HDAC9: variants seen among roughly 807,000 people sequenced by gnomAD.
The protein encoded by HDAC9 is MEF-2 interacting transcription repressor (MITR) protein.
HDAC9 carries 41 observed loss-of-function variants against 139.4 expected under a neutral mutation model. The observed-to-expected ratio is 0.29, with a 90% confidence interval of 0.23 to 0.38. The LOEUF (loss-of-function observed/expected upper bound fraction) is 0.38, where lower values mean the gene tolerates loss of function less well. HDAC9 is among the 10% of genes least tolerant of loss of function. The pLI is 1.00. For missense variants in HDAC9, 1,147 were observed against 1,297.0 expected, an observed-to-expected ratio of 0.88 and a Z score of 1.78; for synonymous variants, 517 against 476.2, an observed-to-expected ratio of 1.09 and a Z score of -1.12.
chr7:18,610,408 C>T (rs570922448), intron 6 of HDAC9, among the ~76,000 whole-genome samples: 1 of 152,104 alleles, frequency 6.6e-6, no homozygotes. Flanking sequence ...TTGACAATAA[C>T]CCAGAGCAAG....
intron 1 of HDAC9, among the ~76,000 whole-genome samples, chr7:18,451,407 A>ATATGTGTG: frequency 8.6e-6 from 1 of 116,574 alleles, no homozygotes; most frequent in African/African-American, 3.0e-5. Context: ...GTGTGTATAT[A>ATATGTGTG]TGTGTGTGTG....
At chr7:18,637,680 A>G (rs1007895074) in intron 8 of HDAC9, among the ~76,000 whole-genome samples, 14 of 152,092 alleles carry the variant, frequency 9.2e-5, no homozygotes, top group Admixed American at 3.9e-4. Context: ...TGCCTGAACT[A>G]TGATCCAAAA....
intron 1 of HDAC9, among the ~76,000 whole-genome samples, chr7:18,156,361 A>G (rs1787202348): frequency 6.6e-6 from 1 of 152,212 alleles, no homozygotes; most frequent in Non-Finnish European, 1.5e-5. Context: ...CAACCCATGA[A>G]GGCACCCATC....
intron 6 of HDAC9, among the ~76,000 whole-genome samples, chr7:18,625,997 AGGATCCT>A (rs1841606514): frequency 6.7e-6 from 1 of 149,424 alleles, no homozygotes; most frequent in South Asian, 2.1e-4. Flanking sequence ...TATATTAATC[AGGATCCT>A]GGCAGGGAAC....
At chr7:18,775,626 A>C (rs924968823) in intron 16 of HDAC9, among the ~76,000 whole-genome samples, 1 of 151,920 alleles carries the variant, frequency 6.6e-6, no homozygotes, top group Admixed American at 6.6e-5. Context: ...ACTGTCCAAT[A>C]CCATCCTATG....
chr7:18,378,647 G>A (rs898284142), intron 1 of HDAC9, among the ~76,000 whole-genome samples: 3 of 151,986 alleles, frequency 2.0e-5, no homozygotes, highest in Admixed American at 6.5e-5. Context: ...ATGCCTAACT[G>A]TAGATATATA....
At chr7:18,778,463 C>G (rs186543678) in intron 16 of HDAC9, among the ~76,000 whole-genome samples, 2 of 152,114 alleles carry the variant, frequency 1.3e-5, no homozygotes, top group Non-Finnish European at 2.9e-5. Flanking sequence ...GAATGAGGCT[C>G]TAATGTGCAC....
At chr7:18,717,672 C>A (rs182247308) in intron 12 of HDAC9, among the ~76,000 whole-genome samples, 84 of 152,122 alleles carry the variant, frequency 5.5e-4, no homozygotes, top group Non-Finnish European at 9.3e-4. Context: ...TTCAGGTGAT[C>A]CACCCGCCTC....
intron 24 of HDAC9, among the ~76,000 whole-genome samples, chr7:18,975,037 A>T (rs1024790005): frequency 3.3e-5 from 5 of 152,152 alleles, no homozygotes; most frequent in African/African-American, 1.2e-4. Context: ...ATTTGGGGCT[A>T]CTCATCATTT....
intron 17 of HDAC9, among the ~76,000 whole-genome samples, chr7:18,809,605 C>T (rs1794013961): frequency 6.6e-6 from 1 of 151,762 alleles, no homozygotes; most frequent in Non-Finnish European, 1.5e-5. Flanking sequence ...ATATATCTGG[C>T]CAACAGATAC....
chr7:18,228,337 C>T (rs1309675947), intron 2 of HDAC9, among the ~76,000 whole-genome samples: 5 of 149,660 alleles, frequency 3.3e-5, no homozygotes, highest in South Asian at 2.1e-4. Context: ...CTGAAAATGA[C>T]GTATAAAACT....
chr7:18,124,043 A>G (rs1784512548), intron 1 of HDAC9, among the ~76,000 whole-genome samples: 1 of 152,116 alleles, frequency 6.6e-6, no homozygotes, highest in Non-Finnish European at 1.5e-5. Flanking sequence ...TTTGCATACC[A>G]TTGGCCAGAA....
intron 17 of HDAC9, among the ~76,000 whole-genome samples, chr7:18,802,277 T>C (rs938702037): frequency 2.0e-5 from 3 of 152,068 alleles, no homozygotes; most frequent in Middle Eastern, 3.4e-3. Flanking sequence ...GCCATTAGTG[T>C]ATTAAATGTG....
Position 18,666,373 on chromosome 7 carries a change from G to C in HDAC9, c.1628G>C (p.Gly543Ala), listed in dbSNP as rs1794890981. 6.2e-7 allele frequency: 1 copy of C among 1,613,164 alleles called. No homozygotes were observed. Among genetic ancestry groups the C allele is most frequent in the Non-Finnish European group, 8.5e-7 (1 of 1,179,602 alleles). Reference sequence around the variant, plus strand: ...AGTGCTTGTGTGGATGACACACTGGGACAAGTTGGGGCTGTGAAGGTCAAG... The same window carrying C: ...AGTGCTTGTGTGGATGACACACTGGCACAAGTTGGGGCTGTGAAGGTCAAG... Reference protein sequence around the residue: ...DSSACVDDTLGQVGAVKVKEE... With the variant: ...DSSACVDDTLAQVGAVKVKEE... The change falls in exon 12 of 26, where the codon GGA (glycine) becomes GCA (alanine). Residue 543 changes from glycine (G) to alanine (A), a missense_variant. By Grantham distance (60) the Gly-to-Ala change is moderately conservative (BLOSUM62 0). Transcript: ENST00000686413.
At chr7:18,104,765 G>C (rs1405430169) in intron 1 of HDAC9, among the ~76,000 whole-genome samples, 2 of 151,870 alleles carry the variant, frequency 1.3e-5, no homozygotes, top group Non-Finnish European at 2.9e-5. Context: ...CTGATTCTTG[G>C]CTCACTTTTC....
At chr7:18,225,074 A>G (rs1792965065) in intron 2 of HDAC9, among the ~76,000 whole-genome samples, 1 of 152,164 alleles carries the variant, frequency 6.6e-6, no homozygotes, top group African/African-American at 2.4e-5. Context: ...TAGCTAAATA[A>G]AGAACTTGTT....
chr7:18,257,252 A>T (rs1795317552), intron 2 of HDAC9, among the ~76,000 whole-genome samples: 1 of 148,926 alleles, frequency 6.7e-6, no homozygotes, highest in Admixed American at 6.8e-5. Flanking sequence ...AAGTGGGTGG[A>T]TTGCTTGAGC....
intron 1 of HDAC9, among the ~76,000 whole-genome samples, chr7:18,357,405 A>G (rs1293664372): frequency 6.6e-6 from 1 of 151,906 alleles, no homozygotes; most frequent in African/African-American, 2.4e-5. Context: ...TTTTTTCCTC[A>G]GTAAACTTTG....
At chr7:18,290,735 A>C (rs77970668) in intron 1 of HDAC9, among the ~76,000 whole-genome samples, 5,049 of 152,288 alleles carry the variant, frequency 0.033, 269 homozygotes, top group African/African-American at 0.12. Flanking sequence ...GAATGCCTTT[A>C]TTATTTCAGA....
Sources: allele counts gnomAD v4.1 joint callset (sites outside exome capture counted in the v4.1 genomes callset), GRCh38; gene constraint gnomAD v4.1.1; transcripts MANE v1.5; gene names NCBI Gene and HGNC (gene_info 2026-07-23, HGNC 2026-07-21).